ARHGAP15: variants seen among roughly 807,000 people sequenced by gnomAD.
The protein encoded by ARHGAP15 is Rho GTPase activating protein 15, also known as rho GTPase-activating protein 15.
Under a neutral mutation model 63.7 loss-of-function variants are expected in ARHGAP15, and 51 were observed. The ratio of observed to expected loss-of-function variants is 0.80; its 90% CI spans 0.64 to 1.01. The LOEUF (loss-of-function observed/expected upper bound fraction) is 1.01, where lower values mean the gene tolerates loss of function less well. ARHGAP15 is among the 50% of genes least tolerant of loss of function. The pLI, the probability that ARHGAP15 is intolerant of heterozygous loss-of-function variation, is 0.00. For missense variants in ARHGAP15, 560 were observed against 564.6 expected, an observed-to-expected ratio of 0.99 and a Z score of 0.08; for synonymous variants, 191 against 193.8, an observed-to-expected ratio of 0.99 and a Z score of 0.12.
intron 4 of ARHGAP15, among the ~76,000 whole-genome samples, chr2:143,226,953 A>C (rs932797660): frequency 1.3e-5 from 2 of 152,196 alleles, no homozygotes; most frequent in Non-Finnish European, 2.9e-5. Flanking sequence ...TAAATTACGC[A>C]AAGATCTTCA....
At chr2:143,676,873 T>A (rs1282680608) in intron 12 of ARHGAP15, among the ~76,000 whole-genome samples, 1 of 151,782 alleles carries the variant, frequency 6.6e-6, no homozygotes, top group African/African-American at 2.4e-5. Flanking sequence ...AGACCTTCAA[T>A]TTGAAAAACA....
intron 6 of ARHGAP15, among the ~76,000 whole-genome samples, chr2:143,287,206 ATAAAT>A (rs1164828230): frequency 6.6e-6 from 1 of 152,166 alleles, no homozygotes; most frequent in Admixed American, 6.6e-5. Context: ...TAATAACAAA[ATAAAT>A]TATATTAGTC....
chr2:143,289,451 T>C (rs1228988626), intron 6 of ARHGAP15, among the ~76,000 whole-genome samples: 1 of 152,220 alleles, frequency 6.6e-6, no homozygotes, highest in South Asian at 2.1e-4. Flanking sequence ...TTGAAAGGCA[T>C]TCTGTATTCC....
intron 13 of ARHGAP15, 39 bp downstream of exon 13, chr2:143,703,563 C>A: frequency 6.7e-7 from 1 of 1,492,798 alleles, no homozygotes; most frequent in Non-Finnish European, 9.2e-7. Context: ...ATTTTATAGT[C>A]ATTTCCTAAA....
intron 8 of ARHGAP15, among the ~76,000 whole-genome samples, chr2:143,448,088 T>G (rs1690230760): frequency 6.6e-6 from 1 of 152,086 alleles, no homozygotes; most frequent in Non-Finnish European, 1.5e-5. Flanking sequence ...GTTTTTCAGA[T>G]GGAGAAACAA....
intron 11 of ARHGAP15, chr2:143,587,543 T>TA (rs901725281): frequency 1.2e-4 from 33 of 278,906 alleles, no homozygotes; most frequent in South Asian, 2.4e-4. Flanking sequence ...ACATTACTTT[T>TA]AAAAAAAAGC....
intron 2 of ARHGAP15, among the ~76,000 whole-genome samples, chr2:143,186,889 A>G (rs1290959119): frequency 1.3e-5 from 2 of 152,184 alleles, no homozygotes; most frequent in Non-Finnish European, 2.9e-5. Flanking sequence ...TGAGAGAGTT[A>G]TTTTTAAAAA....
intron 6 of ARHGAP15, among the ~76,000 whole-genome samples, chr2:143,421,274 A>T (rs558725289): frequency 1.4e-4 from 21 of 152,336 alleles, no homozygotes; most frequent in African/African-American, 3.8e-4. Context: ...TCACCCACAC[A>T]GGGTTATTGA....
At chr2:143,131,529 C>T (rs189560) in intron 1 of ARHGAP15, among the ~76,000 whole-genome samples, 64,122 of 152,050 alleles carry the variant, frequency 0.42, 15,483 homozygotes, top group Non-Finnish European at 0.54. Flanking sequence ...TCTTCTGGAG[C>T]GGCCTGCTCT....
intron 11 of ARHGAP15, among the ~76,000 whole-genome samples, chr2:143,578,000 T>G (rs1333538853): frequency 6.6e-6 from 1 of 152,210 alleles, no homozygotes; most frequent in Non-Finnish European, 1.5e-5. Context: ...GCAAGCAGTC[T>G]TTGAACGTGC....
At chr2:143,652,654 TC>T (rs1275129758) in intron 12 of ARHGAP15, among the ~76,000 whole-genome samples, 2 of 152,078 alleles carry the variant, frequency 1.3e-5, no homozygotes, top group African/African-American at 4.8e-5. Context: ...GTCATATTTA[TC>T]CCCGAGTATT....
chr2:143,623,791 T>G (rs542306067), intron 11 of ARHGAP15, among the ~76,000 whole-genome samples: 1 of 152,376 alleles, frequency 6.6e-6, no homozygotes, highest in Non-Finnish European at 1.5e-5. Flanking sequence ...TCTTAGCCCC[T>G]CGGCCTCAAA....
chr2:143,509,656 C>CAT (rs921628502), intron 9 of ARHGAP15, among the ~76,000 whole-genome samples: 10 of 152,124 alleles, frequency 6.6e-5, no homozygotes, highest in African/African-American at 1.7e-4. Flanking sequence ...AGTTACATGA[C>CAT]ATGGGGCTCA....
chr2:143,304,012 T>G (rs1263943267), intron 6 of ARHGAP15, among the ~76,000 whole-genome samples: 1 of 152,152 alleles, frequency 6.6e-6, no homozygotes, highest in East Asian at 1.9e-4. Flanking sequence ...GGTGGGACTG[T>G]AAACTAGTTC....
chr2:143,245,907 G>C (rs1311568582), intron 5 of ARHGAP15, among the ~76,000 whole-genome samples: 2 of 152,124 alleles, frequency 1.3e-5, no homozygotes, highest in African/African-American at 4.8e-5. Flanking sequence ...TCCTGCCAAG[G>C]CATGGGAGTT....
chr2:143,282,158 C>T (rs1681881003), intron 6 of ARHGAP15, among the ~76,000 whole-genome samples: 1 of 151,810 alleles, frequency 6.6e-6, no homozygotes, highest in African/African-American at 2.4e-5. Flanking sequence ...TTTTATTTCC[C>T]CCTAAAAGTC....
intron 6 of ARHGAP15, among the ~76,000 whole-genome samples, chr2:143,430,671 A>G (rs1487450105): frequency 6.6e-6 from 1 of 152,102 alleles, no homozygotes; most frequent in Non-Finnish European, 1.5e-5. Flanking sequence ...AAAATAATTC[A>G]TATTCACTTC....
intron 12 of ARHGAP15, among the ~76,000 whole-genome samples, chr2:143,685,049 G>A (rs988061113): frequency 5.9e-5 from 9 of 152,154 alleles, no homozygotes; most frequent in African/African-American, 9.7e-5. Flanking sequence ...AGTGAGGGGG[G>A]CACTGTGTTT....
chr2:143,639,339 C>T (rs980892676), intron 12 of ARHGAP15, among the ~76,000 whole-genome samples: 2 of 152,098 alleles, frequency 1.3e-5, no homozygotes, highest in Non-Finnish European at 2.9e-5. Flanking sequence ...TTTTTAATTG[C>T]TTTCTGTATC....
Sources: allele counts gnomAD v4.1 joint callset (sites outside exome capture counted in the v4.1 genomes callset), GRCh38; gene constraint gnomAD v4.1.1; transcripts MANE v1.5; gene names NCBI Gene and HGNC (gene_info 2026-07-23, HGNC 2026-07-21).